OPCML: variants seen among roughly 807,000 people sequenced by gnomAD.
The protein encoded by OPCML is opioid-binding protein/cell adhesion molecule.
Under a neutral mutation model 37.8 loss-of-function variants are expected in OPCML, and 13 were observed. The observed-to-expected ratio is 0.34, with a 90% CI of 0.22 to 0.55. The LOEUF (loss-of-function observed/expected upper bound fraction) is 0.55, where lower values mean the gene tolerates loss of function less well. Ranked by LOEUF, OPCML falls within the 20% of genes least tolerant of loss-of-function variation. The pLI, the probability that OPCML is intolerant of heterozygous loss-of-function variation, is 0.91. For missense variants in OPCML, 341 were observed against 435.6 expected (o/e 0.78, Z 1.93); for synonymous variants, 176 against 168.8 (o/e 1.04, Z -0.33).
chr11:133,366,967 A>G (rs1944554597), intron 1 of OPCML, among the ~76,000 whole-genome samples: 1 of 152,036 alleles, frequency 6.6e-6, no homozygotes, highest in African/African-American at 2.4e-5. Context: ...CTCCCCATCC[A>G]ATCATCGAAT....
At chr11:132,738,705 T>A (rs1459511201) in intron 2 of OPCML, among the ~76,000 whole-genome samples, 1 of 152,156 alleles carries the variant, frequency 6.6e-6, no homozygotes. Context: ...GCTCCTGGTG[T>A]TTTGAAAACA....
At chr11:133,524,472 TG>T (rs151109243) in intron 1 of OPCML, among the ~76,000 whole-genome samples, 4,103 of 152,350 alleles carry the variant, frequency 0.027, 83 homozygotes, top group Non-Finnish European at 0.043. Context: ...GTACAGTTTT[TG>T]CTTGTTAGCA....
chr11:132,804,142 G>T (rs1938853659), intron 2 of OPCML, among the ~76,000 whole-genome samples: 1 of 152,072 alleles, frequency 6.6e-6, no homozygotes, highest in Non-Finnish European at 1.5e-5. Flanking sequence ...GAGCCCCACA[G>T]TTCGCCAGGT....
At chr11:133,385,703 C>T (rs1257526239) in intron 1 of OPCML, among the ~76,000 whole-genome samples, 1 of 151,754 alleles carries the variant, frequency 6.6e-6, no homozygotes, top group African/African-American at 2.4e-5. Flanking sequence ...TGCGGTGGTC[C>T]CCATGGTCCT....
Position 133,174,247 on chromosome 11 carries a change from C to T in OPCML, c.62-231237G>A, listed in dbSNP as rs1303687539. ...GAGCTCCGGAGTAACTCCTAGAAGG[C>T]GAAGCATGATTAGAACCAAGCCTTC... On this transcript the variant is annotated intron_variant, in intron 1 of 7. Transcript: ENST00000524381. The surrounding 1 kb of genome is among the most constrained non-coding windows in gnomAD (Gnocchi z 4.6). 6.6e-6 allele frequency among the ~76,000 whole-genome samples: 1 copy of T among 152,112 alleles called. No homozygotes were observed. The highest frequency in any genetic ancestry group is 1.5e-5 in the Non-Finnish European group (1 of 68,028).
intron 3 of OPCML, among the ~76,000 whole-genome samples, chr11:132,653,042 T>G (rs992474878): frequency 6.6e-6 from 1 of 152,234 alleles, no homozygotes; most frequent in Non-Finnish European, 1.5e-5. Context: ...AGGAAATTCA[T>G]GCTGAATCTC....
At chr11:132,745,105 C>G (rs1384897075) in intron 2 of OPCML, among the ~76,000 whole-genome samples, 3 of 152,230 alleles carry the variant, frequency 2.0e-5, no homozygotes, top group Non-Finnish European at 2.9e-5. Flanking sequence ...TTCTCACACA[C>G]AGTAGACTTC....
At chr11:133,473,605 G>A (rs1328146713) in intron 1 of OPCML, among the ~76,000 whole-genome samples, 1 of 152,122 alleles carries the variant, frequency 6.6e-6, no homozygotes, top group Non-Finnish European at 1.5e-5. Context: ...CAAAAAGAGA[G>A]GGGAGCCGTC....
At chr11:132,821,390 G>A (rs1939977873) in intron 2 of OPCML, among the ~76,000 whole-genome samples, 2 of 152,166 alleles carry the variant, frequency 1.3e-5, no homozygotes, top group African/African-American at 4.8e-5. Flanking sequence ...AGCTGCCTCT[G>A]GAAGGAGGGC....
At chr11:132,794,537 G>C (rs1027194312) in intron 2 of OPCML, among the ~76,000 whole-genome samples, 2 of 152,022 alleles carry the variant, frequency 1.3e-5, no homozygotes, top group Non-Finnish European at 2.9e-5. Context: ...GGGACCAGGC[G>C]AGCTTTCCTG....
At chr11:132,716,432 A>G (rs1200733629) in intron 2 of OPCML, among the ~76,000 whole-genome samples, 3 of 103,460 alleles carry the variant, frequency 2.9e-5, no homozygotes, top group African/African-American at 1.2e-4. Context: ...CTATCTATCT[A>G]TCTATCTATC....
At chr11:133,372,472 G>T (rs973278184) in intron 1 of OPCML, among the ~76,000 whole-genome samples, 1 of 152,112 alleles carries the variant, frequency 6.6e-6, no homozygotes, top group Non-Finnish European at 1.5e-5. Context: ...AATGAGAAAT[G>T]CATATGAAAG....
chr11:132,446,327 G>A (rs1190579241), intron 4 of OPCML, among the ~76,000 whole-genome samples: 2 of 147,284 alleles, frequency 1.4e-5, no homozygotes, highest in Non-Finnish European at 3.0e-5. Flanking sequence ...AGACAGAGAG[G>A]CAGAGGAGGG....
chr11:132,565,186 G>C (rs966007512), intron 3 of OPCML, among the ~76,000 whole-genome samples: 2 of 152,216 alleles, frequency 1.3e-5, no homozygotes, highest in Middle Eastern at 3.4e-3. Flanking sequence ...ACCTCTCTAG[G>C]TTATCTTCTC....
chr11:132,625,446 C>T (rs1939682348), intron 3 of OPCML, among the ~76,000 whole-genome samples: 1 of 152,122 alleles, frequency 6.6e-6, no homozygotes, highest in South Asian at 2.1e-4. Flanking sequence ...TGTTATACAG[C>T]CTCTAAGTCA....
chr11:132,642,539 A>C lies in OPCML; in HGVS notation c.379+14548T>G, dbSNP rs545514623. On this transcript the variant is annotated intron_variant, in intron 3 of 7. Coordinates refer to ENST00000524381, the MANE Select transcript of OPCML (RefSeq NM_001012393.5). ...CAAAACTTATGATGCCAATGCTTTT[A>C]TGTGATAAAATCATATTAGGATAAG... Among the ~76,000 whole-genome samples the C allele has an allele frequency of 5.1e-4, 77 of 152,364 alleles. No homozygotes were observed. In the South Asian group the frequency reaches 0.016, roughly 32 times the overall value.
intron 1 of OPCML, among the ~76,000 whole-genome samples, chr11:132,987,205 G>A (rs542252913): frequency 1.4e-4 from 21 of 152,252 alleles, no homozygotes; most frequent in African/African-American, 5.1e-4. Context: ...CCCACTGAGA[G>A]GGCAATGAGA....
intron 1 of OPCML, among the ~76,000 whole-genome samples, chr11:133,368,533 G>A (rs1047385856): frequency 5.9e-5 from 9 of 152,086 alleles, no homozygotes; most frequent in African/African-American, 2.2e-4. Context: ...AAAAAGAACA[G>A]GTCCTTGGAG....
At chr11:132,705,205 T>C (rs1042306528) in intron 2 of OPCML, among the ~76,000 whole-genome samples, 1 of 152,086 alleles carries the variant, frequency 6.6e-6, no homozygotes, top group Non-Finnish European at 1.5e-5. Context: ...GATTGGATCA[T>C]GGGAGTGGAT....
Sources: gnomAD v4.1 joint callset for allele counts (sites outside exome capture counted in the v4.1 genomes callset) on GRCh38, gnomAD v4.1.1 for gene constraint, Gnocchi (gnomAD v3.1) non-coding constraint, MANE v1.5 for transcripts, NCBI Gene and HGNC (gene_info 2026-07-23, HGNC 2026-07-21) for gene names.